The following CNTN1 variants were observed in gnomAD, a reference collection of about 807,000 sequenced individuals.
CNTN1 encodes contactin-1.
A neutral mutation model predicts 126.4 loss-of-function variants in CNTN1; 38 were observed. That is an observed-to-expected ratio of 0.30 (90% CI 0.23 to 0.39). CNTN1 has a LOEUF of 0.39. CNTN1 is among the 10% of genes least tolerant of loss of function. CNTN1 has a pLI of 1.00. For missense variants in CNTN1, 1,009 were observed against 1,248.4 expected (o/e 0.81, Z 2.89); for synonymous variants, 413 against 422.6 (o/e 0.98, Z 0.28).
intron 23 of CNTN1, among the ~76,000 whole-genome samples, chr12:41,056,875 G>T (rs1265985193): frequency 2.6e-5 from 3 of 116,798 alleles, no homozygotes; most frequent in South Asian, 2.4e-4. Flanking sequence ...ATAAATATTT[G>T]GATATTTATA....
At chr12:40,712,787 A>G (rs924100796) in intron 1 of CNTN1, among the ~76,000 whole-genome samples, 2 of 152,142 alleles carry the variant, frequency 1.3e-5, no homozygotes, top group Non-Finnish European at 2.9e-5. Flanking sequence ...AACCATTGTA[A>G]TATGCTATCG....
intron 15 of CNTN1, among the ~76,000 whole-genome samples, chr12:40,971,096 C>T (rs1348242702): frequency 6.6e-6 from 1 of 152,166 alleles, no homozygotes; most frequent in Admixed American, 6.6e-5. Flanking sequence ...CCATATGTTT[C>T]AGTAGATAGA....
chr12:40,844,460 T>C (rs544372764), intron 1 of CNTN1, among the ~76,000 whole-genome samples: 1 of 152,290 alleles, frequency 6.6e-6, no homozygotes, highest in East Asian at 1.9e-4. Flanking sequence ...AGCCCTCACC[T>C]ATGAAAATAT....
At chr12:40,955,327 T>C (rs1346662356) in intron 14 of CNTN1, among the ~76,000 whole-genome samples, 1 of 152,086 alleles carries the variant, frequency 6.6e-6, no homozygotes, top group Admixed American at 6.6e-5. Flanking sequence ...TTACTACACA[T>C]AGGGGTGGGA....
At chr12:41,007,052 T>A (rs986073853) in intron 17 of CNTN1, among the ~76,000 whole-genome samples, 2 of 82,864 alleles carry the variant, frequency 2.4e-5, no homozygotes, top group Non-Finnish European at 4.8e-5. Context: ...GTGGTTTTTT[T>A]TTTTTTTTTT....
intron 1 of CNTN1, among the ~76,000 whole-genome samples, chr12:40,876,422 A>C (rs890342938): frequency 2.0e-5 from 3 of 152,088 alleles, no homozygotes; most frequent in African/African-American, 7.2e-5. Flanking sequence ...GTTCCATTTA[A>C]ACCTCATAGA....
intron 1 of CNTN1, among the ~76,000 whole-genome samples, chr12:40,726,558 G>A (rs114287394): frequency 6.3e-4 from 96 of 152,228 alleles, no homozygotes; most frequent in African/African-American, 2.2e-3. Flanking sequence ...AAAAGTGTGG[G>A]GGAAACCACC....
intron 15 of CNTN1, among the ~76,000 whole-genome samples, chr12:40,960,114 A>G (rs900050868): frequency 1.3e-5 from 2 of 152,038 alleles, no homozygotes; most frequent in East Asian, 1.9e-4. Flanking sequence ...GATGTCCCCA[A>G]TATGAGCTCC....
In CNTN1 at chr12:40,906,669, C is replaced by CTTTTTTTTTTTTTTTTTTTTT. The variant is rs111442544; in HGVS notation, c.-76-1679_-76-1678insTTTTTTTTTTTTTTTTTTTTT. 1.8e-4 allele frequency among the ~76,000 whole-genome samples: 19 copies of CTTTTTTTTTTTTTTTTTTTTT among 107,186 alleles called. 1 individual carries two copies. The highest frequency in any genetic ancestry group is 2.8e-4 in the South Asian group (1 of 3,550). The allele number at this position is 107,186 out of a possible 152,430, so 70.3% of individuals were successfully genotyped here. A position where few individuals can be genotyped will look rare whatever the true frequency, so the allele number is the denominator to read the frequency against. On this transcript the variant is annotated intron_variant, in intron 1 of 23. Transcript: ENST00000551295. ...TTTCCTTTTAAAATTGTTTTTCATG[C>CTTTTTTTTTTTTTTTTTTTTT]TTTTTTTTTGTTTTGTTTTTTTTGA...
intron 15 of CNTN1, among the ~76,000 whole-genome samples, chr12:40,968,396 TA>T (rs1375335468): frequency 1.3e-5 from 2 of 152,128 alleles, no homozygotes; most frequent in East Asian, 1.9e-4. Flanking sequence ...CTATAGTAGT[TA>T]TTTTTTTTTC....
At position 40,929,911 on chromosome 12, in the gene CNTN1, C is replaced by T. The variant is rs146088900; in HGVS notation, c.612C>T (p.Ser204=). 79 of 1,612,880 alleles carry T rather than the reference C, an allele frequency of 4.9e-5. No individual in the cohort carries two copies. The highest frequency in any genetic ancestry group is 1.7e-4 in the Middle Eastern group (1 of 6,058). The part of the protein sequence containing the change: ...GNLYIANVEA[S]DKGNYSCFVS... ...TCTACATTGCAAATGTTGAGGCTTC[C>T]GACAAAGGCAATTATTCCTGCTTTG... Residue 204 remains serine (S), a synonymous_variant, in exon 7 of 24, where the codon TCC becomes TCT. Coordinates refer to ENST00000551295, the MANE Select transcript of CNTN1 (RefSeq NM_001843.4).
intron 1 of CNTN1, among the ~76,000 whole-genome samples, chr12:40,890,175 T>C (rs547094386): frequency 6.6e-6 from 1 of 152,134 alleles, no homozygotes; most frequent in Admixed American, 6.5e-5. Context: ...CTCCTTATAA[T>C]TTTGTTATTT....
At chr12:40,788,994 G>A (rs1928552) in intron 1 of CNTN1, among the ~76,000 whole-genome samples, 3,161 of 152,134 alleles carry the variant, frequency 0.021, 96 homozygotes, top group African/African-American at 0.07. Context: ...TATCCCACAT[G>A]AGATTATAGA....
chr12:41,068,612 CCAGAGA>C (rs1950098758), intron 23 of CNTN1, among the ~76,000 whole-genome samples: 1 of 152,008 alleles, frequency 6.6e-6, no homozygotes, highest in African/African-American at 2.4e-5. Flanking sequence ...CTTTTAATGA[CCAGAGA>C]TTCAGGAGAA....
intron 1 of CNTN1, among the ~76,000 whole-genome samples, chr12:40,860,953 C>T (rs1352060501): frequency 6.6e-6 from 1 of 152,080 alleles, no homozygotes; most frequent in Non-Finnish European, 1.5e-5. Flanking sequence ...ACAAAAGATA[C>T]TTCCATCATC....
intron 23 of CNTN1, among the ~76,000 whole-genome samples, chr12:41,053,038 G>C (rs889171378): frequency 2.0e-5 from 3 of 151,694 alleles, no homozygotes; most frequent in Non-Finnish European, 4.4e-5. Flanking sequence ...GAACTGGCAT[G>C]TGTGATCCTA....
At chr12:40,799,764 A>G (rs1448288730) in intron 1 of CNTN1, among the ~76,000 whole-genome samples, 1 of 152,044 alleles carries the variant, frequency 6.6e-6, no homozygotes, top group Non-Finnish European at 1.5e-5. Context: ...AGCACTTACT[A>G]TATACAAGCA....
chr12:40,971,366 G>A, intron 15 of CNTN1: 2 of 1,352,394 alleles, frequency 1.5e-6, no homozygotes, highest in Non-Finnish European at 2.1e-6. Context: ...AATCCCCCAA[G>A]TGCATGGCTT....
intron 1 of CNTN1, among the ~76,000 whole-genome samples, chr12:40,864,203 A>C (rs1295359369): frequency 6.6e-6 from 1 of 151,246 alleles, no homozygotes; most frequent in African/African-American, 2.4e-5. Flanking sequence ...TTTTTAGTAG[A>C]GACAGGGGGT....
Sources: allele counts gnomAD v4.1 joint callset (sites outside exome capture counted in the v4.1 genomes callset), GRCh38; gene constraint gnomAD v4.1.1; transcripts MANE v1.5; gene names NCBI Gene and HGNC (gene_info 2026-07-23, HGNC 2026-07-21).